CPHXL2: variants seen among roughly 807,000 people sequenced by gnomAD.
CPHXL2 encodes cytoplasmic polyadenylated homeobox-like protein 2.
chr16:75,661,588 CTG>C, the CPHXL2 span, among the ~76,000 whole-genome samples: 2 of 151,950 alleles, frequency 1.3e-5, no homozygotes, highest in African/African-American at 2.4e-5. Flanking sequence ...GAGACCCACT[CTG>C]TGCTACAGAA....
the CPHXL2 span, chr16:75,669,597 T>C: frequency 2.5e-6 from 1 of 398,506 alleles, no homozygotes; most frequent in Non-Finnish European, 4.4e-6. Context: ...TTGGAGAATA[T>C]TGGTAATAAC....
At chr16:75,669,394 T>C in the CPHXL2 span, 10 of 400,640 alleles carry the variant, frequency 2.5e-5, no homozygotes, top group Non-Finnish European at 4.0e-5. Flanking sequence ...ATCAAATTTG[T>C]TGGCCAGTGT....
At chr16:75,667,280 C>A in the CPHXL2 span, among the ~76,000 whole-genome samples, 6 of 148,132 alleles carry the variant, frequency 4.1e-5, no homozygotes, top group Admixed American at 3.4e-4. Flanking sequence ...CCACTGTACT[C>A]CAGCCTGGGC....
At chr16:75,669,214 G>A in the CPHXL2 span, 13 of 388,164 alleles carry the variant, frequency 3.3e-5, no homozygotes, top group Non-Finnish European at 5.0e-5. Flanking sequence ...AATGGGGAGC[G>A]CTGAGGTTGG....
chr16:75,672,650 A>T, the CPHXL2 span, among the ~76,000 whole-genome samples: 1 of 152,064 alleles, frequency 6.6e-6, no homozygotes, highest in Non-Finnish European at 1.5e-5. Context: ...ACGCCCGGAT[A>T]ATTTTTGAAT....
the CPHXL2 span, among the ~76,000 whole-genome samples, chr16:75,662,411 T>G: frequency 1.3e-5 from 2 of 151,432 alleles, no homozygotes; most frequent in African/African-American, 4.9e-5. Context: ...GGTGATCAAC[T>G]TAACCATCAG....
At chr16:75,675,970 T>C in the CPHXL2 span, among the ~76,000 whole-genome samples, 1 of 151,946 alleles carries the variant, frequency 6.6e-6, no homozygotes, top group Non-Finnish European at 1.5e-5. Flanking sequence ...TCCCAGCTAC[T>C]TGGGAGGCTG....
chr16:75,672,927 A>G, the CPHXL2 span, among the ~76,000 whole-genome samples: 4 of 151,834 alleles, frequency 2.6e-5, no homozygotes, highest in African/African-American at 9.7e-5. Flanking sequence ...AAAGCAAAAA[A>G]CAAATTAGCA....
At chr16:75,668,363 A>G in the CPHXL2 span, among the ~76,000 whole-genome samples, 14 of 151,408 alleles carry the variant, frequency 9.2e-5, no homozygotes, top group Non-Finnish European at 1.0e-4. Flanking sequence ...CAGGTAGCTG[A>G]GATTACAGGC....
the CPHXL2 span, among the ~76,000 whole-genome samples, chr16:75,671,238 C>G: frequency 6.6e-6 from 1 of 151,934 alleles, no homozygotes; most frequent in Non-Finnish European, 1.5e-5. Flanking sequence ...TGTGCACCTA[C>G]AATCCCAGCT....
At chr16:75,674,344 G>A in the CPHXL2 span, among the ~76,000 whole-genome samples, 2 of 135,372 alleles carry the variant, frequency 1.5e-5, no homozygotes, top group Non-Finnish European at 3.0e-5. Flanking sequence ...CTGCACTCCA[G>A]CCTGGGTGAC....
chr16:75,667,884 C>T, the CPHXL2 span, among the ~76,000 whole-genome samples: 1 of 152,202 alleles, frequency 6.6e-6, no homozygotes, highest in African/African-American at 2.4e-5. Context: ...TCCTATCTTC[C>T]ATAGACTTAA....
the CPHXL2 span, among the ~76,000 whole-genome samples, chr16:75,670,249 G>T: frequency 6.6e-6 from 1 of 152,072 alleles, no homozygotes; most frequent in Non-Finnish European, 1.5e-5. Context: ...AATTGCAGAA[G>T]AATATTTTAT....
the CPHXL2 span, among the ~76,000 whole-genome samples, chr16:75,675,730 T>A: frequency 6.6e-6 from 1 of 152,154 alleles, no homozygotes; most frequent in Non-Finnish European, 1.5e-5. Context: ...CTCTGGGTGC[T>A]CTTTGCTGTA....
chr16:75,672,202 C>T, the CPHXL2 span, among the ~76,000 whole-genome samples: 1 of 151,468 alleles, frequency 6.6e-6, no homozygotes, highest in Non-Finnish European at 1.5e-5. Flanking sequence ...TCGCTTGAAA[C>T]TGGGAGGCGG....
the CPHXL2 span, among the ~76,000 whole-genome samples, chr16:75,674,702 A>C: frequency 6.6e-6 from 1 of 151,990 alleles, no homozygotes; most frequent in Non-Finnish European, 1.5e-5. Flanking sequence ...CTATATATAT[A>C]TGCAATACCA....
chr16:75,673,019 G>C, the CPHXL2 span, among the ~76,000 whole-genome samples: 1 of 147,980 alleles, frequency 6.8e-6, no homozygotes, highest in Non-Finnish European at 1.5e-5. Context: ...AGGCTGCAGT[G>C]AGCCGTGCAC....
the CPHXL2 span, among the ~76,000 whole-genome samples, chr16:75,666,965 C>T: frequency 6.6e-6 from 1 of 152,186 alleles, no homozygotes; most frequent in African/African-American, 2.4e-5. Context: ...ATTAAATAAC[C>T]TGTTCGTGAA....
chr16:75,660,299 C>A, the CPHXL2 span: 7 of 398,324 alleles, frequency 1.8e-5, no homozygotes, highest in Middle Eastern at 6.2e-4. Flanking sequence ...CTGTGGCAGG[C>A]CCGTGTAGAC....
Sources: gnomAD v4.1 joint callset for allele counts (sites outside exome capture counted in the v4.1 genomes callset) on GRCh38, gnomAD v4.1.1 for gene constraint, MANE v1.5 for transcripts, NCBI Gene and HGNC (gene_info 2026-07-23, HGNC 2026-07-21) for gene names.